HIVEP3: variants seen among roughly 807,000 people sequenced by gnomAD.
HIVEP3 encodes the protein HIVEP zinc finger 3.
A neutral mutation model predicts 152.8 loss-of-function variants in HIVEP3; 49 were observed. The observed-to-expected ratio is 0.32, with a 90% CI of 0.26 to 0.41. The LOEUF is 0.41. Ranked by LOEUF, HIVEP3 falls within the 10% of genes least tolerant of loss-of-function variation. The pLI is 1.00. For missense variants in HIVEP3, 2,790 were observed against 3,103.3 expected (o/e 0.90, Z 2.40); for synonymous variants, 1,269 against 1,289.0 (o/e 0.98, Z 0.33).
At chr1:41,812,542 T>A (rs907961963) in intron 1 of HIVEP3, among the ~76,000 whole-genome samples, 2 of 152,136 alleles carry the variant, frequency 1.3e-5, no homozygotes, top group Non-Finnish European at 2.9e-5. Flanking sequence ...TTCTAGACAA[T>A]CTCAGCAGCT....
chr1:41,961,529 A>G (rs114132586), intron 1 of HIVEP3, among the ~76,000 whole-genome samples: 2,146 of 152,356 alleles, frequency 0.014, 47 homozygotes, highest in African/African-American at 0.049. Context: ...GTACAAGAAA[A>G]TTGAGAGATG....
chr1:41,863,786 T>C (rs1264959713), intron 1 of HIVEP3, among the ~76,000 whole-genome samples: 4 of 152,224 alleles, frequency 2.6e-5, no homozygotes, highest in South Asian at 4.1e-4. Context: ...ATTTAAATTT[T>C]TGTAGTCCAG....
intron 1 of HIVEP3, among the ~76,000 whole-genome samples, chr1:41,940,220 A>G (rs1645039150): frequency 6.6e-6 from 1 of 152,242 alleles, no homozygotes; most frequent in Non-Finnish European, 1.5e-5. Context: ...AATTGAGCTG[A>G]ATTTTAAAAA....
chr1:41,679,368 C>G (rs1323161628), intron 2 of HIVEP3, among the ~76,000 whole-genome samples: 2 of 152,196 alleles, frequency 1.3e-5, no homozygotes, highest in African/African-American at 4.8e-5. Context: ...TTGTCAGAAT[C>G]CAAATCCAGC....
chr1:41,682,019 G>T (rs1646047027), intron 2 of HIVEP3, among the ~76,000 whole-genome samples: 1 of 151,306 alleles, frequency 6.6e-6, no homozygotes, highest in African/African-American at 2.4e-5. Context: ...GACTTTAATT[G>T]GAAAAGCTCT....
chr1:41,581,616 A>G lies in HIVEP3; in HGVS notation c.3182T>C (p.Val1061Ala). 1 of 1,614,018 alleles carries G rather than the reference A, an allele frequency of 6.2e-7. No homozygotes were observed. The highest frequency in any genetic ancestry group is 1.1e-5 in the South Asian group (1 of 91,058). The change falls in exon 4 of 9, where the codon GTT becomes GCT. Residue 1061 changes from valine (V) to alanine (A), a missense_variant. Val to Ala is a moderately conservative substitution (Grantham distance 64). This residue lies in a region of HIVEP3 where 1,078 missense variants were observed against 1,165.3 expected (regional missense o/e 0.93). Coordinates refer to ENST00000372583, the MANE Select transcript of HIVEP3 (RefSeq NM_024503.5). The surrounding 1 kb of genome is among the most constrained non-coding windows in gnomAD (Gnocchi z 4.5). ...LSRPPESELE[V>A]APKGRQESEE... Reference sequence around the variant, plus strand: ...GCTCTCCTGTCTTCCCTTGGGGGCAACCTCCAACTCAGATTCTGGAGGCCT... The same window carrying G: ...GCTCTCCTGTCTTCCCTTGGGGGCAGCCTCCAACTCAGATTCTGGAGGCCT...
intron 1 of HIVEP3, among the ~76,000 whole-genome samples, chr1:41,733,597 A>G (rs1646874200): frequency 6.6e-6 from 1 of 152,238 alleles, no homozygotes; most frequent in African/African-American, 2.4e-5. Flanking sequence ...GTCGCTCACC[A>G]AACATGGCCT....
chr1:41,565,234 G>A (rs752306566), intron 5 of HIVEP3, among the ~76,000 whole-genome samples: 5 of 152,134 alleles, frequency 3.3e-5, no homozygotes, highest in African/African-American at 7.2e-5. Context: ...GGAGGTGGCC[G>A]GAGGTGGAAT....
At chr1:41,956,607 T>C (rs1645141821) in intron 1 of HIVEP3, among the ~76,000 whole-genome samples, 1 of 152,242 alleles carries the variant, frequency 6.6e-6, no homozygotes, top group South Asian at 2.1e-4. Flanking sequence ...CTTGTGTTGA[T>C]GCTTGAAGAG....
chr1:41,909,963 T>C (rs1644770620), intron 1 of HIVEP3, among the ~76,000 whole-genome samples: 1 of 152,038 alleles, frequency 6.6e-6, no homozygotes, highest in South Asian at 2.1e-4. Flanking sequence ...AAATATTGTA[T>C]AGCTTACAAT....
intron 2 of HIVEP3, among the ~76,000 whole-genome samples, chr1:41,680,338 G>A (rs1646019879): frequency 6.6e-6 from 1 of 152,192 alleles, no homozygotes; most frequent in Non-Finnish European, 1.5e-5. Flanking sequence ...TCTTCTTCCT[G>A]TCCAAACTCT....
chr1:41,723,498 C>T (rs1217872654), intron 1 of HIVEP3, among the ~76,000 whole-genome samples: 1 of 113,560 alleles, frequency 8.8e-6, no homozygotes, highest in Non-Finnish European at 1.7e-5. Flanking sequence ...ACACACACAG[C>T]CACCACACAC....
chr1:41,598,852 G>T (rs987537963), intron 3 of HIVEP3, among the ~76,000 whole-genome samples: 30 of 144,406 alleles, frequency 2.1e-4, no homozygotes, highest in African/African-American at 7.4e-4. Context: ...ATCTCATTCT[G>T]TTGCCCAAAC....
chr1:41,699,970 C>T (rs144651732), intron 2 of HIVEP3, among the ~76,000 whole-genome samples: 50 of 152,194 alleles, frequency 3.3e-4, no homozygotes, highest in Admixed American at 1.4e-3. Context: ...TGCATCCCAG[C>T]GACTCCACTG....
chr1:41,787,398 T>C (rs1356309720), intron 1 of HIVEP3, among the ~76,000 whole-genome samples: 1 of 152,196 alleles, frequency 6.6e-6, no homozygotes, highest in Non-Finnish European at 1.5e-5. Context: ...TTCCAGTGAC[T>C]ACCATACTGG....
intron 1 of HIVEP3, among the ~76,000 whole-genome samples, chr1:41,849,978 C>A (rs984678368): frequency 1.3e-5 from 2 of 152,122 alleles, no homozygotes; most frequent in Non-Finnish European, 2.9e-5. Context: ...CATGAGACAC[C>A]ACGCCTGGCC....
intron 3 of HIVEP3, among the ~76,000 whole-genome samples, chr1:41,594,207 C>T (rs752814178): frequency 1.3e-5 from 2 of 152,088 alleles, no homozygotes; most frequent in African/African-American, 2.4e-5. Flanking sequence ...AGATATCTTA[C>T]GTTTCAGTTA....
intron 1 of HIVEP3, among the ~76,000 whole-genome samples, chr1:41,708,833 A>G (rs151096221): frequency 1.8e-4 from 27 of 152,318 alleles, no homozygotes; most frequent in African/African-American, 6.5e-4. Context: ...GAAGCAACCT[A>G]GTAGCCATGT....
At chr1:41,605,383 A>G (rs1037641428) in intron 3 of HIVEP3, among the ~76,000 whole-genome samples, 4 of 151,580 alleles carry the variant, frequency 2.6e-5, no homozygotes, top group African/African-American at 7.3e-5. Context: ...GCGCACACAC[A>G]CACACACACA....
Sources: gnomAD v4.1 joint callset for allele counts (sites outside exome capture counted in the v4.1 genomes callset) on GRCh38, gnomAD v4.1.1 for gene constraint, gnomAD v4.1.1 regional missense constraint, Gnocchi (gnomAD v3.1) non-coding constraint, MANE v1.5 for transcripts, NCBI Gene and HGNC (gene_info 2026-07-23, HGNC 2026-07-21) for gene names.